OTUD4: variants seen among roughly 807,000 people sequenced by gnomAD.
OTUD4 encodes OTU deubiquitinase 4.
In OTUD4, 24 loss-of-function variants were observed where a neutral mutation model predicts 130.4. That is an observed-to-expected ratio of 0.18 (90% CI 0.13 to 0.26). OTUD4 has a LOEUF of 0.26. OTUD4 is among the 10% of genes least tolerant of loss of function. The probability of loss-of-function intolerance (pLI) is 1.00; values close to 1 mark genes in which losing one functional copy is unlikely to be tolerated. For missense variants in OTUD4, 1,031 were observed against 1,329.4 expected (o/e 0.78, Z 3.49); for synonymous variants, 420 against 472.5 (o/e 0.89, Z 1.44).
intron 6 of OTUD4, among the ~76,000 whole-genome samples, chr4:145,161,569 C>A (rs1409160397): frequency 6.6e-6 from 1 of 152,132 alleles, no homozygotes; most frequent in African/African-American, 2.4e-5. Flanking sequence ...AGCAGGAATT[C>A]TCACACAGAA....
chr4:145,152,484 C>T, intron 11 of OTUD4, 57 bp downstream of exon 11: 1 of 917,446 alleles, frequency 1.1e-6, no homozygotes, highest in Non-Finnish European at 1.7e-6. Flanking sequence ...TTAAAATGCT[C>T]ATGATTAGGC....
Position 145,146,368 on chromosome 4 carries a change from C to G in OTUD4, c.1321G>C (p.Gly441Arg), listed in dbSNP as rs746588119. The G allele has an allele frequency of 1.3e-6, 2 of 1,591,148 alleles. No individual in the cohort carries two copies. The highest frequency in any genetic ancestry group is 4.6e-5 in the East Asian group (2 of 43,092). The change falls in exon 14 of 21, where the codon GGC becomes CGC. Residue 441 changes from glycine (G) to arginine (R), a missense_variant. By Grantham distance (125) the Gly-to-Arg change is moderately radical. Around this residue, in one of 3 missense-constraint regions of OTUD4, gnomAD observed 900 missense variants for 1,095.9 expected, o/e 0.82. Coordinates refer to ENST00000447906, the MANE Select transcript of OTUD4 (RefSeq NM_001366057.1). ...DHTSRESNYF[G>R]LSPEERREKQ... ...TCTCTGCGCTCTTCTGGGGAAAGGC[C>G]GAAATAGTTAGATTCTCGACTTGTG...
Position 145,155,559 on chromosome 4 carries a change from T to G in OTUD4, c.808+10A>C, listed in dbSNP as rs1751244891. 6.2e-7 allele frequency: 1 copy of G among 1,603,936 alleles called. No individual in the cohort carries two copies. Among genetic ancestry groups the G allele is most frequent in the Non-Finnish European group, 8.5e-7 (1 of 1,173,988 alleles). On this transcript the variant is annotated intron_variant, in intron 9 of 20. Coordinates refer to ENST00000447906, the MANE Select transcript of OTUD4 (RefSeq NM_001366057.1). ...AGCAAATTTATGGAAAATGCAGATT[T>G]TTAACTCACCTTGTTTAGACTTCAG...
chr4:145,163,899 G>T (rs1339692474), intron 5 of OTUD4, among the ~76,000 whole-genome samples: 1 of 151,728 alleles, frequency 6.6e-6, no homozygotes, highest in East Asian at 1.9e-4. Flanking sequence ...GTAGAGACAG[G>T]GTTTCTCCAT....
In OTUD4 at chr4:145,155,687, C is replaced by CGT; in HGVS notation, c.691-2_691-1insAC. On this transcript the variant is annotated splice_acceptor_variant, in intron 8 of 20. Coordinates refer to ENST00000447906, the MANE Select transcript of OTUD4 (RefSeq NM_001366057.1). LOFTEE classifies it high-confidence loss of function. Reference sequence around the variant, plus strand: ...TAGAGTTCCCATTGTTCTTCAGCTGCTAAACAAAGTCAGGAAGTCCAATCA... The same window carrying CGT: ...TAGAGTTCCCATTGTTCTTCAGCTGCGTTAAACAAAGTCAGGAAGTCCAATCA... The CGT allele has an allele frequency of 1.3e-6, 2 of 1,577,894 alleles. No individual in the cohort carries two copies. Among genetic ancestry groups the CGT allele is most frequent in the Non-Finnish European group, 1.7e-6 (2 of 1,157,864 alleles).
chr4:145,169,322 G>T (rs970104619), intron 3 of OTUD4, among the ~76,000 whole-genome samples: 4 of 152,006 alleles, frequency 2.6e-5, no homozygotes, highest in African/African-American at 9.7e-5. Context: ...ACATATTCTC[G>T]CACAAGTTTG....
intron 8 of OTUD4, 118 bp downstream of exon 8, chr4:145,155,818 G>C: frequency 1.0e-6 from 1 of 984,454 alleles, no homozygotes; most frequent in South Asian, 1.7e-5. Flanking sequence ...ATCAATTTCT[G>C]AGTAGATGAT....
At chr4:145,179,106 GTTAGAAAATGGT>G (rs1752566652) in intron 1 of OTUD4, among the ~76,000 whole-genome samples, 1 of 152,086 alleles carries the variant, frequency 6.6e-6, no homozygotes, top group Non-Finnish European at 1.5e-5. Context: ...GAGCAACTGT[GTTAGAAAATGGT>G]TTTGAAAAGC....
chr4:145,143,909 A>G, intron 16 of OTUD4, 37 bp downstream of exon 16: 1 of 1,530,152 alleles, frequency 6.5e-7, no homozygotes, highest in South Asian at 1.1e-5. Context: ...AGTATTAAGG[A>G]AAAAGAAAAG....
chr4:145,158,106 C>A (rs1271310175), intron 7 of OTUD4, among the ~76,000 whole-genome samples: 1 of 152,208 alleles, frequency 6.6e-6, no homozygotes, highest in African/African-American at 2.4e-5. Flanking sequence ...ATGGCAGACA[C>A]TGATTCAAGT....
At chr4:145,168,092 TA>T (rs1036092945) in intron 3 of OTUD4, among the ~76,000 whole-genome samples, 82 of 152,198 alleles carry the variant, frequency 5.4e-4, no homozygotes, top group African/African-American at 2.0e-3. Flanking sequence ...CAGCATTTTT[TA>T]TGATGTGTGA....
chr4:145,153,003 G>A (rs1387156210), intron 10 of OTUD4, among the ~76,000 whole-genome samples: 5 of 151,786 alleles, frequency 3.3e-5, no homozygotes, highest in Admixed American at 3.3e-4. Flanking sequence ...CCGAAGTGCT[G>A]GGATTACAGG....
chr4:145,176,892 A>C (rs931261597), intron 1 of OTUD4, among the ~76,000 whole-genome samples: 1 of 152,208 alleles, frequency 6.6e-6, no homozygotes, highest in African/African-American at 2.4e-5. Flanking sequence ...AGATACACTG[A>C]AAATGCACCT....
rs2126821090 is a variant in OTUD4 at position 145,180,013 on chromosome 4, G to A, written c.-40C>T. The A allele has an allele frequency of 1.5e-6, 2 of 1,357,164 alleles. No homozygotes were observed. Among genetic ancestry groups the A allele is most frequent in the East Asian group, 3.2e-5 (1 of 31,680 alleles). 84.1% of individuals were successfully genotyped at this position (1,357,164 alleles called of 1,614,324 possible). A position where few individuals can be genotyped will look rare whatever the true frequency, so the allele number is the denominator to read the frequency against. On this transcript the variant is annotated 5_prime_UTR_variant, in exon 1 of 21. Transcript: ENST00000447906. ...TGCAGGCCAGGCGCGGCGAGGGCTAGCCCCACATGGCCAGGCCGCCGGCTG... is the reference window on the plus strand; with the variant it reads ...TGCAGGCCAGGCGCGGCGAGGGCTAACCCCACATGGCCAGGCCGCCGGCTG...
chr4:145,148,437 T>A (rs1750918605), intron 13 of OTUD4, among the ~76,000 whole-genome samples: 1 of 151,050 alleles, frequency 6.6e-6, no homozygotes, highest in African/African-American at 2.4e-5. Flanking sequence ...AGATGGAGGA[T>A]GCAGTGAGCC....
Position 145,138,239 on chromosome 4 carries a change from G to T in OTUD4, c.2536C>A (p.Pro846Thr), listed in dbSNP as rs773847941. 1 of 1,613,956 alleles carries T rather than the reference G, an allele frequency of 6.2e-7. No individual in the cohort carries two copies. Among genetic ancestry groups the T allele is most frequent in the Non-Finnish European group, 8.5e-7 (1 of 1,179,840 alleles). ...MFPQPSFGPN[P>T]FLGPVPIAPP... ...GCAATAGGAACTGGGCCTAAGAATG[G>T]ATTGGGTCCAAAAGATGGCTGGGGG... is the stretch of plus-strand genomic sequence containing the variant. The change falls in exon 21 of 21, where the codon CCA becomes ACA. Residue 846 changes from proline (P) to threonine (T), a missense_variant. By Grantham distance (38) the Pro-to-Thr change is conservative. Transcript: ENST00000447906.
At chr4:145,173,473 T>TGTTA (rs1484348393) in intron 2 of OTUD4, among the ~76,000 whole-genome samples, 1 of 152,142 alleles carries the variant, frequency 6.6e-6, no homozygotes, top group East Asian at 1.9e-4. Context: ...CCTCAACCAA[T>TGTTA]GTTAGCAATG....
intron 13 of OTUD4, among the ~76,000 whole-genome samples, chr4:145,148,210 T>A (rs1220476298): frequency 1.3e-5 from 2 of 152,180 alleles, no homozygotes; most frequent in African/African-American, 2.4e-5. Flanking sequence ...AAAACACTGT[T>A]GATTAGAGGC....
In OTUD4 at chr4:145,162,628, G is replaced by A; in HGVS notation, c.496+12C>T. The stretch of plus-strand genomic sequence containing the variant: ...AATATAATTTCCCATATAAACACAA[G>A]GTGATACTTACACTGACACATAGCA... On this transcript the variant is annotated intron_variant, in intron 6 of 20. Transcript: ENST00000447906. 3.2e-6 allele frequency: 4 copies of A among 1,260,018 alleles called. No individual in the cohort carries two copies. The highest frequency in any genetic ancestry group is 2.6e-5 in the South Asian group (2 of 76,270). The allele number at this position is 1,260,018 out of a possible 1,614,324, so 78.1% of individuals were successfully genotyped here. A position where few individuals can be genotyped will look rare whatever the true frequency, so the allele number is the denominator to read the frequency against.
Sources: gnomAD v4.1 joint callset for allele counts (sites outside exome capture counted in the v4.1 genomes callset) on GRCh38, gnomAD v4.1.1 for gene constraint, gnomAD v4.1.1 regional missense constraint, MANE v1.5 for transcripts, NCBI Gene and HGNC (gene_info 2026-07-23, HGNC 2026-07-21) for gene names.